The following MSH4 variants were observed in gnomAD, a reference collection of about 807,000 sequenced individuals.
MSH4 encodes mutS protein homolog 4.
MSH4 carries 106 observed loss-of-function variants against 113.7 expected under a neutral mutation model. That is an observed-to-expected ratio of 0.93 (90% CI 0.80 to 1.10). The LOEUF (loss-of-function observed/expected upper bound fraction) is 1.10, where lower values mean the gene tolerates loss of function less well. Ranked by LOEUF, MSH4 falls within the 50% of genes least tolerant of loss-of-function variation. The pLI is 0.00. For missense variants in MSH4, 1,061 were observed against 1,093.7 expected (o/e 0.97, Z 0.42); for synonymous variants, 368 against 380.2 (o/e 0.97, Z 0.37).
intron 9 of MSH4, among the ~76,000 whole-genome samples, chr1:75,870,632 C>A (rs1466826053): frequency 2.6e-5 from 4 of 152,144 alleles, no homozygotes; most frequent in Non-Finnish European, 5.9e-5. Flanking sequence ...GTTCTTCTTG[C>A]CTGCTGCCAT....
At chr1:75,840,445 C>T (rs1308505653) in intron 7 of MSH4, among the ~76,000 whole-genome samples, 53 of 143,608 alleles carry the variant, frequency 3.7e-4, no homozygotes, top group Admixed American at 7.3e-5. Context: ...TGCATATTCT[C>T]ACTCATAGGT....
At chr1:75,822,777 A>T (rs1650450297) in intron 7 of MSH4, among the ~76,000 whole-genome samples, 196 bp downstream of exon 7, 1 of 150,852 alleles carries the variant, frequency 6.6e-6, no homozygotes, top group Non-Finnish European at 1.5e-5. Flanking sequence ...ATGTATTTTG[A>T]TTTCCTGTAT....
At chr1:75,858,347 T>C (rs1446308791) in intron 8 of MSH4, among the ~76,000 whole-genome samples, 3 of 152,226 alleles carry the variant, frequency 2.0e-5, no homozygotes, top group Non-Finnish European at 2.9e-5. Context: ...TTGTGCCAGT[T>C]TTCAAAGGGA....
intron 9 of MSH4, among the ~76,000 whole-genome samples, chr1:75,872,161 G>A (rs1651727861): frequency 6.6e-6 from 1 of 152,116 alleles, no homozygotes; most frequent in Admixed American, 6.5e-5. Context: ...TATCTTTCCT[G>A]TGCATTCCCA....
intron 8 of MSH4, among the ~76,000 whole-genome samples, chr1:75,851,935 C>A (rs1405707692): frequency 6.6e-6 from 1 of 152,162 alleles, no homozygotes; most frequent in Non-Finnish European, 1.5e-5. Context: ...GTCTTTAATG[C>A]ATTCACAGAG....
At position 75,796,907 on chromosome 1, in the gene MSH4, G is replaced by A. The variant is rs1289763182; in HGVS notation, c.-79G>A. The A allele has an allele frequency of 2.5e-6, 4 of 1,583,614 alleles. No homozygotes were observed. The Admixed American group carries it at 6.9e-5, about 28-fold the overall frequency. On this transcript the variant is annotated 5_prime_UTR_variant, in exon 1 of 20. Coordinates refer to ENST00000263187, the MANE Select transcript of MSH4 (RefSeq NM_002440.4). ...GCGCAGTTCTCCCGCCCGTTTCAGC[G>A]GCGCAGCTTCTGTAGTTGGGCTACT...
At chr1:75,861,290 C>T (rs1651450685) in intron 8 of MSH4, among the ~76,000 whole-genome samples, 1 of 152,162 alleles carries the variant, frequency 6.6e-6, no homozygotes, top group African/African-American at 2.4e-5. Context: ...ATTCTGCATC[C>T]AGTTTTGTTC....
chr1:75,829,649 TC>T (rs1650638437), intron 7 of MSH4, among the ~76,000 whole-genome samples: 1 of 152,206 alleles, frequency 6.6e-6, no homozygotes, highest in Non-Finnish European at 1.5e-5. Context: ...TTCCGCAGCC[TC>T]TGCTGGTGAT....
intron 7 of MSH4, among the ~76,000 whole-genome samples, chr1:75,845,700 T>A (rs1284688100): frequency 1.3e-5 from 2 of 152,112 alleles, no homozygotes. Context: ...CCCCCTATAG[T>A]TCTGTGGTCT....
In MSH4 at chr1:75,816,676, G is replaced by C. The variant is rs5745377; in HGVS notation, c.989+130G>C. The C allele has an allele frequency of 8.8e-3, 3,953 of 448,754 alleles. 37 individuals are homozygous for C. Among genetic ancestry groups the C allele is most frequent in the Middle Eastern group, 0.026 (36 of 1,398 alleles). 27.8% of individuals were successfully genotyped at this position (448,754 alleles called of 1,614,324 possible). A position where few individuals can be genotyped will look rare whatever the true frequency, so the allele number is the denominator to read the frequency against. On this transcript the variant is annotated intron_variant, in intron 6 of 19. Transcript: ENST00000263187. Reference sequence around the variant, plus strand: ...AGTTTTGCTCTTGTTGCCCAGGCTGGAGTGCAGTGGTGCGATCTCAGCTCA... The same window carrying C: ...AGTTTTGCTCTTGTTGCCCAGGCTGCAGTGCAGTGGTGCGATCTCAGCTCA...
intron 2 of MSH4, among the ~76,000 whole-genome samples, 170 bp downstream of exon 2, chr1:75,804,083 C>A (rs1650002938): frequency 1.3e-5 from 2 of 152,154 alleles, no homozygotes; most frequent in African/African-American, 4.8e-5. Flanking sequence ...AATAAGGCAA[C>A]ATAGTTTCTG....
intron 15 of MSH4, among the ~76,000 whole-genome samples, chr1:75,885,059 G>GTATATATATATATATATATATATATA (rs1198722667): frequency 1.2e-4 from 14 of 112,542 alleles, no homozygotes; most frequent in African/African-American, 5.7e-4. Context: ...GTGTGTGTGT[G>GTATATATATATATATATATATATATA]TATATATATA....
intron 17 of MSH4, among the ~76,000 whole-genome samples, chr1:75,894,425 G>A (rs746587397): frequency 6.6e-6 from 1 of 152,228 alleles, no homozygotes; most frequent in African/African-American, 2.4e-5. Flanking sequence ...GGAGCCTGCA[G>A]TCACCAAGAC....
At chr1:75,902,034 A>G (rs1483217368) in intron 19 of MSH4, among the ~76,000 whole-genome samples, 1 of 151,944 alleles carries the variant, frequency 6.6e-6, no homozygotes, top group African/African-American at 2.4e-5. Flanking sequence ...CCTCATCCAT[A>G]TAATTTTTAT....
chr1:75,888,830 T>C (rs1258764033), intron 15 of MSH4, among the ~76,000 whole-genome samples: 3 of 152,136 alleles, frequency 2.0e-5, no homozygotes, highest in Non-Finnish European at 2.9e-5. Context: ...CTGTTTGTTA[T>C]GTACTTGAAC....
intron 17 of MSH4, among the ~76,000 whole-genome samples, chr1:75,891,558 A>G (rs1044558008): frequency 2.6e-5 from 4 of 152,064 alleles, no homozygotes; most frequent in Non-Finnish European, 5.9e-5. Flanking sequence ...GGCTCCAGCA[A>G]TCCTCCTGCC....
intron 12 of MSH4, among the ~76,000 whole-genome samples, chr1:75,879,631 T>A (rs1651888586): frequency 6.6e-6 from 1 of 152,164 alleles, no homozygotes; most frequent in South Asian, 2.1e-4. Flanking sequence ...ACCATTTAGC[T>A]TTCAGGCTTT....
rs1651615352 is a variant in MSH4, at chr1:75,867,602, G to A, written c.1305+14G>A. The A allele has an allele frequency of 6.7e-7, 1 of 1,492,518 alleles. No homozygotes were observed. 92.5% of individuals were successfully genotyped at this position (1,492,518 alleles called of 1,614,324 possible). On this transcript the variant is annotated intron_variant, in intron 9 of 19. Transcript: ENST00000263187. ...GATCCTTTAAAGGTAATTTATGTGT[G>A]TGTATCGTACAAAACATGTCCAGCA...
At chr1:75,871,334 G>C (rs565280499) in intron 9 of MSH4, among the ~76,000 whole-genome samples, 1 of 152,176 alleles carries the variant, frequency 6.6e-6, no homozygotes, top group East Asian at 1.9e-4. Context: ...TTTATGATGA[G>C]ATTTGGGTGG....
Sources: gnomAD v4.1 joint callset for allele counts (sites outside exome capture counted in the v4.1 genomes callset) on GRCh38, gnomAD v4.1.1 for gene constraint, MANE v1.5 for transcripts, NCBI Gene and HGNC (gene_info 2026-07-23, HGNC 2026-07-21) for gene names.